ANTXR2: variants seen among roughly 807,000 people sequenced by gnomAD.
ANTXR2 encodes ANTXR cell adhesion molecule 2.
Under a neutral mutation model 73.7 loss-of-function variants are expected in ANTXR2, and 44 were observed. The observed-to-expected ratio is 0.60, with a 90% CI of 0.47 to 0.77. The LOEUF is 0.77. Among genes scored for constraint, ANTXR2 ranks in the 30% least tolerant of loss-of-function variants. The pLI is 0.00. For missense variants in ANTXR2, 604 were observed against 592.5 expected (o/e 1.02, Z -0.20); for synonymous variants, 217 against 205.9 (o/e 1.05, Z -0.46).
rs143344462 is a variant in ANTXR2 at position 79,953,368 on chromosome 4, G to T, written c.1428+24253C>A. 7.7e-4 allele frequency among the ~76,000 whole-genome samples: 117 copies of T among 152,260 alleles called. 1 individual carries two copies. The highest frequency in any genetic ancestry group is 2.7e-3 in the African/African-American group (112 of 41,550). ...ATCAAAATAAGAGCTCAAGCTCTCA[G>T]AATGATCTGGGAAATAAACAGTAAA... On this transcript the variant is annotated intron_variant, in intron 16 of 16. Transcript: ENST00000403729.
chr4:80,065,487 G>A (rs28669690), intron 3 of ANTXR2, among the ~76,000 whole-genome samples: 55,838 of 151,944 alleles, frequency 0.37, 10,993 homozygotes, highest in Middle Eastern at 0.52. Context: ...TGGGTGGGTA[G>A]GTGGAGGAAT....
intron 10 of ANTXR2, among the ~76,000 whole-genome samples, chr4:80,026,502 A>G (rs1412864551): frequency 6.6e-6 from 1 of 152,112 alleles, no homozygotes; most frequent in African/African-American, 2.4e-5. Context: ...TTAGAAGCAG[A>G]TATATAAGAG....
At position 80,032,568 on chromosome 4, in the gene ANTXR2, A is replaced by T. The variant is rs149810438; in HGVS notation, c.797-876T>A. ...TTTTAATTCAATAAACACATATTGA[A>T]TAGGTACTGTGTGTATGGCCAAAGC... On this transcript the variant is annotated intron_variant, in intron 9 of 16. Transcript: ENST00000403729. Among the ~76,000 whole-genome samples the T allele has an allele frequency of 4.5e-3, 678 of 152,004 alleles. 8 individuals carry two copies. The highest frequency in any genetic ancestry group is 0.015 in the African/African-American group (643 of 41,538).
chr4:80,066,875 G>A (rs970694417), intron 3 of ANTXR2, among the ~76,000 whole-genome samples: 1 of 152,150 alleles, frequency 6.6e-6, no homozygotes, highest in African/African-American at 2.4e-5. Context: ...GTGACTCTTA[G>A]CTGCAACATT....
At chr4:80,025,873 T>C (rs1732411665) in intron 10 of ANTXR2, among the ~76,000 whole-genome samples, 1 of 152,198 alleles carries the variant, frequency 6.6e-6, no homozygotes, top group Admixed American at 6.5e-5. Context: ...GATGTCTACA[T>C]TTCAGAAGGA....
At chr4:79,930,306 C>G (rs1728006455) in intron 16 of ANTXR2, among the ~76,000 whole-genome samples, 1 of 151,912 alleles carries the variant, frequency 6.6e-6, no homozygotes, top group East Asian at 1.9e-4. Context: ...GAGGCCTTAC[C>G]TATTTTAGAC....
At chr4:80,009,372 T>C (rs527416807) in intron 11 of ANTXR2, among the ~76,000 whole-genome samples, 1 of 152,334 alleles carries the variant, frequency 6.6e-6, no homozygotes, top group East Asian at 1.9e-4. Flanking sequence ...AATGCCCCTT[T>C]GATTAAACAA....
chr4:80,029,201 G>T lies in ANTXR2; in HGVS notation c.866+2422C>A, dbSNP rs111531036. ...CCCGATGGTATTCTCTTCTAAAGAA[G>T]ACTGTGCCCAAAGGCAAATTCTAGA... On this transcript the variant is annotated intron_variant, in intron 10 of 16. Coordinates refer to ENST00000403729, the MANE Select transcript of ANTXR2 (RefSeq NM_058172.6). Among the ~76,000 whole-genome samples the T allele has an allele frequency of 7.6e-3, 1,161 of 152,202 alleles. 9 individuals are homozygous for T. Among genetic ancestry groups the T allele is most frequent in the Non-Finnish European group, 0.014 (950 of 67,982 alleles).
chr4:79,925,646 A>C (rs1477452744), intron 16 of ANTXR2, among the ~76,000 whole-genome samples: 1 of 152,170 alleles, frequency 6.6e-6, no homozygotes, highest in Non-Finnish European at 1.5e-5. Context: ...AAAAGATTAT[A>C]TCAAGAGAGT....
chr4:79,988,362 A>T (rs922057096), intron 12 of ANTXR2, among the ~76,000 whole-genome samples: 1 of 150,616 alleles, frequency 6.6e-6, no homozygotes, highest in Non-Finnish European at 1.5e-5. Context: ...TTCTTATTTC[A>T]GACAATACAG....
chr4:80,008,122 G>T (rs1038745449), intron 12 of ANTXR2, among the ~76,000 whole-genome samples: 1 of 152,036 alleles, frequency 6.6e-6, no homozygotes, highest in African/African-American at 2.4e-5. Flanking sequence ...TCATGAAATG[G>T]TAGACCCTTC....
At chr4:80,045,574 G>C (rs1733480778) in intron 7 of ANTXR2, among the ~76,000 whole-genome samples, 1 of 143,398 alleles carries the variant, frequency 7.0e-6, no homozygotes, top group Non-Finnish European at 1.5e-5. Context: ...GTCTAAAAAA[G>C]CAAGGTTTTT....
intron 12 of ANTXR2, among the ~76,000 whole-genome samples, chr4:79,985,816 A>G (rs1183124174): frequency 6.7e-6 from 1 of 150,134 alleles, no homozygotes; most frequent in Non-Finnish European, 1.5e-5. Context: ...TGCCTTACTC[A>G]TGAAATCTTT....
At position 80,072,518 on chromosome 4, in the gene ANTXR2, G is replaced by A. The variant is rs1734854890; in HGVS notation, c.43C>T (p.Leu15=). 6.2e-7 allele frequency: 1 copy of A among 1,601,246 alleles called. No individual in the cohort carries two copies. The highest frequency in any genetic ancestry group is 1.1e-5 in the South Asian group (1 of 89,498). The change falls in exon 1 of 17, where the codon CTG becomes TTG. Residue 15 remains leucine, a synonymous_variant. Transcript: ENST00000403729. ...RSPARSPGSW[L]FPGLWLLVLS... is the part of the protein sequence containing the mutation. ...ACCAACAGCCACAGCCCGGGGAACA[G>A]CCAGCTCCCGGGGCTGCGGGCCGGG...
intron 11 of ANTXR2, among the ~76,000 whole-genome samples, chr4:80,011,861 G>T (rs1731601150): frequency 6.6e-6 from 1 of 152,200 alleles, no homozygotes; most frequent in African/African-American, 2.4e-5. Flanking sequence ...CCGAGCTGAT[G>T]TCTGGGATTA....
At chr4:79,920,539 A>G (rs1727554700) in intron 16 of ANTXR2, among the ~76,000 whole-genome samples, 1 of 152,094 alleles carries the variant, frequency 6.6e-6, no homozygotes, top group African/African-American at 2.4e-5. Flanking sequence ...TGAGTGCTGG[A>G]GAAGTTGCAA....
intron 6 of ANTXR2, among the ~76,000 whole-genome samples, chr4:80,054,681 C>T (rs556070778): frequency 7.9e-5 from 12 of 151,714 alleles, no homozygotes; most frequent in African/African-American, 2.9e-4. Context: ...CGTAAAATAA[C>T]TTCATGAGTG....
chr4:79,948,779 G>C (rs1436043359), intron 16 of ANTXR2, among the ~76,000 whole-genome samples: 1 of 152,056 alleles, frequency 6.6e-6, no homozygotes, highest in East Asian at 1.9e-4. Flanking sequence ...GGAGGAGGAA[G>C]GAAAGGAGGA....
At chr4:79,915,829 CCTCTCTCTCTCT>C (rs71596772) in intron 16 of ANTXR2, among the ~76,000 whole-genome samples, 5 of 132,948 alleles carry the variant, frequency 3.8e-5, no homozygotes, top group Non-Finnish European at 8.0e-5. Context: ...TGTCTCTCTC[CCTCTCTCTCTCT>C]CTCTCTCTCT....
Sources: allele counts gnomAD v4.1 joint callset (sites outside exome capture counted in the v4.1 genomes callset), GRCh38; gene constraint gnomAD v4.1.1; transcripts MANE v1.5; gene names NCBI Gene and HGNC (gene_info 2026-07-23, HGNC 2026-07-21).